KRT10: variants seen among roughly 807,000 people sequenced by gnomAD.
The protein encoded by KRT10 is keratin 10.
In KRT10, 40 loss-of-function variants were observed where a neutral mutation model predicts 59.2. The observed-to-expected ratio is 0.68, with a 90% CI of 0.52 to 0.88. The LOEUF is 0.88. KRT10 is among the 40% of genes least tolerant of loss of function. The pLI is 0.00. For synonymous variants in KRT10, 336 were observed against 310.7 expected, an observed-to-expected ratio of 1.08 and a Z score of -0.86; for missense variants, 719 against 749.1, an observed-to-expected ratio of 0.96 and a Z score of 0.47.
chr17:40,818,651 T>C (rs1331392129), intron 7 of KRT10, 136 bp downstream of exon 7: 2 of 1,426,986 alleles, frequency 1.4e-6, no homozygotes, highest in East Asian at 2.4e-5. Context: ...GTGTTAAGAG[T>C]AGTTTGTGAA....
chr17:40,819,210 T>C (rs1406530059), intron 6 of KRT10, 49 bp from the exon 7 acceptor site: 2 of 1,593,310 alleles, frequency 1.3e-6, no homozygotes, highest in Non-Finnish European at 1.7e-6. Context: ...TGGAAAACGG[T>C]GGGTAGCTTT....
Position 40,822,170 on chromosome 17 carries a change from C to A in KRT10, c.416G>T (p.Gly139Val). 1 of 1,613,952 alleles carries A rather than the reference C, an allele frequency of 6.2e-7. No individual in the cohort carries two copies. Among genetic ancestry groups the A allele is most frequent in the Non-Finnish European group, 8.5e-7 (1 of 1,179,962 alleles). Residue 139 changes from glycine (G) to valine (V), a missense_variant, in exon 1 of 8, where the codon GGT becomes GTT. Physicochemically the swap from Gly to Val is moderately radical, Grantham distance 109. Transcript: ENST00000269576. ...GGFGGGFGGD[G>V]GLLSGNEKVT... ...TTTTTCATTTCCAGAGAGAAGGCCACCATCTCCTCCAAATCCACCACCAAA... is the reference window on the plus strand; with the variant it reads ...TTTTTCATTTCCAGAGAGAAGGCCAACATCTCCTCCAAATCCACCACCAAA...
Position 40,819,111 on chromosome 17 carries a change from C to A in KRT10, c.1424G>T (p.Gly475Val). The change falls in exon 7 of 8, where the codon GGC (glycine) becomes GTC (valine). Residue 475 changes from glycine (G) to valine (V), a missense_variant. Physicochemically the swap from Gly to Val is moderately radical, Grantham distance 109. Transcript: ENST00000269576. ...GGAGCTTCCGCCGCCGGAGCTTCCG[C>A]CGCCGTAGCCGCCGCCGAAACTTCC... The part of the protein sequence containing the change: ...GGGSFGGGYG[G>V]GSSGGGSSGG... 1 of 1,493,096 alleles carries A rather than the reference C, an allele frequency of 6.7e-7. No homozygotes were observed. The highest frequency in any genetic ancestry group is 8.9e-7 in the Non-Finnish European group (1 of 1,124,280). The allele number at this position is 1,493,096 out of a possible 1,614,324, so 92.5% of individuals were successfully genotyped here. A position where few individuals can be genotyped will look rare whatever the true frequency, so the allele number is the denominator to read the frequency against.
Position 40,821,072 on chromosome 17 carries a change from C to G in KRT10, c.673G>C (p.Asp225His), listed in dbSNP as rs532545866. 9 of 1,613,876 alleles carry G rather than the reference C, an allele frequency of 5.6e-6. No homozygotes were observed. The highest frequency in any genetic ancestry group is 7.6e-6 in the Non-Finnish European group (9 of 1,179,856). Reference sequence around the variant, plus strand: ...TCATCAGCTGCCAGCCTGGCATTGTCGATCTGAAGCAGGATGTTGGCATTA... The same window carrying G: ...TCATCAGCTGCCAGCCTGGCATTGTGGATCTGAAGCAGGATGTTGGCATTA... ...TDNANILLQI[D>H]NARLAADDFR... is the part of the protein sequence containing the mutation. The change falls in exon 2 of 8, where the codon GAC (aspartate) becomes CAC (histidine). Residue 225 changes from aspartate to histidine, a missense_variant. Physicochemically the swap from Asp to His is moderately conservative, Grantham distance 81. This residue lies in a region of KRT10 where 221 missense variants were observed against 277.8 expected (regional missense o/e 0.80). Coordinates refer to ENST00000269576, the MANE Select transcript of KRT10 (RefSeq NM_000421.5).
intron 6 of KRT10, 124 bp from the exon 7 acceptor site, chr17:40,819,285 T>C: frequency 6.5e-7 from 1 of 1,542,336 alleles, no homozygotes; most frequent in Non-Finnish European, 8.7e-7. Flanking sequence ...GCCAGGTATA[T>C]ATTTTAAAAC....
At position 40,818,178 on chromosome 17, in the gene KRT10, T is replaced by A. The variant is rs1430341819; in HGVS notation, c.*298A>T. ...TAGTAAATGAGAACAGAAAGTTGTT[T>A]TTCTTTCCATTAAAGAACACTTTCT... is the stretch of plus-strand genomic sequence containing the variant. On this transcript the variant is annotated 3_prime_UTR_variant, in exon 8 of 8. Transcript: ENST00000269576. 1.5e-5 allele frequency: 6 copies of A among 399,134 alleles called. No individual in the cohort carries two copies. Among genetic ancestry groups the A allele is most frequent in the Admixed American group, 7.9e-5 (2 of 25,406 alleles). The allele number at this position is 399,134 out of a possible 1,614,324, so 24.7% of individuals were successfully genotyped here.
chr17:40,818,282 C>G lies in KRT10; in HGVS notation c.*194G>C, dbSNP rs1203141511. On this transcript the variant is annotated 3_prime_UTR_variant, in exon 8 of 8. Transcript: ENST00000269576. The stretch of plus-strand genomic sequence containing the variant: ...ATTTTCAAGGTCTATTTCCATAGAC[C>G]ATCAAGACAGAAGTGTTTTCTTGGA... 2.3e-5 allele frequency: 16 copies of G among 683,164 alleles called. No homozygotes were observed. The highest frequency in any genetic ancestry group is 4.0e-5 in the Non-Finnish European group (16 of 401,332). The allele number at this position is 683,164 out of a possible 1,614,324, so 42.3% of individuals were successfully genotyped here. A position where few individuals can be genotyped will look rare whatever the true frequency, so the allele number is the denominator to read the frequency against.
In KRT10 at chr17:40,820,352, A is replaced by T; in HGVS notation, c.939T>A (p.Asp313Glu). 6.2e-7 allele frequency: 1 copy of T among 1,614,230 alleles called. No homozygotes were observed. The highest frequency in any genetic ancestry group is 8.5e-7 in the Non-Finnish European group (1 of 1,180,044). ...NVEMNAAPGV[D>E]LTQLLNNMRS... is the part of the protein sequence containing the mutation. ...TCATGTTATTCAGAAGTTGAGTCAG[A>T]TCAACACCCGGGGCAGCATTCATTT... The change falls in exon 4 of 8, where the codon GAT (aspartate) becomes GAA (glutamate). Residue 313 changes from aspartate to glutamate, a missense_variant. Asp to Glu is a conservative substitution (Grantham distance 45). Around this residue, in one of 4 missense-constraint regions of KRT10, gnomAD observed 221 missense variants for 277.8 expected, o/e 0.80. Transcript: ENST00000269576.
rs1311728934 is a variant in KRT10 at position 40,819,089 on chromosome 17, G to A, written c.1446C>T (p.Ser482=). ...GGCCGCCGCCGTGGCCGCCGCCGGA[G>A]CTTCCGCCGCCGGAGCTTCCGCCGC... ...GYGGGSSGGG[S]SGGGHGGGHG... is the part of the protein sequence containing the mutation. Residue 482 remains serine, a synonymous_variant, in exon 7 of 8, where the codon AGC becomes AGT. Coordinates refer to ENST00000269576, the MANE Select transcript of KRT10 (RefSeq NM_000421.5). The A allele has an allele frequency of 9.7e-6, 14 of 1,442,070 alleles. No homozygotes were observed. Among genetic ancestry groups the A allele is most frequent in the South Asian group, 6.6e-5 (5 of 75,700 alleles). 89.3% of individuals were successfully genotyped at this position (1,442,070 alleles called of 1,614,324 possible).
chr17:40,818,305 G>T lies in KRT10; in HGVS notation c.*171C>A. ...ACCATCAAGACAGAAGTGTTTTCTT[G>T]GAGACTTTGTTTTCCATGCATCTGT... is the stretch of plus-strand genomic sequence containing the variant. On this transcript the variant is annotated 3_prime_UTR_variant, in exon 8 of 8. Coordinates refer to ENST00000269576, the MANE Select transcript of KRT10 (RefSeq NM_000421.5). 1 of 838,266 alleles carries T rather than the reference G, an allele frequency of 1.2e-6. No individual in the cohort carries two copies. 51.9% of individuals were successfully genotyped at this position (838,266 alleles called of 1,614,324 possible).
intron 5 of KRT10, 116 bp downstream of exon 5, chr17:40,819,933 C>T (rs1345523669): frequency 1.1e-5 from 15 of 1,353,108 alleles, no homozygotes; most frequent in African/African-American, 2.9e-5. Context: ...ATGAGCTTCA[C>T]TTTGTTTTCT....
chr17:40,820,961 G>T (rs767716258), intron 2 of KRT10, 74 bp downstream of exon 2: 3 of 1,155,304 alleles, frequency 2.6e-6, no homozygotes, highest in Non-Finnish European at 2.6e-6. Flanking sequence ...TGTTATTGAG[G>T]GCATCCCAAG....
chr17:40,822,476 GA>G lies in KRT10; in HGVS notation c.109del (p.Ser37LeufsTer41). The G allele has an allele frequency of 6.2e-7, 1 of 1,613,756 alleles. No individual in the cohort carries two copies. The highest frequency in any genetic ancestry group is 8.5e-7 in the Non-Finnish European group (1 of 1,179,944). Reference sequence around the variant, plus strand: ...TCCACCAAGGGAGCCTTTGCTGCTAGAAATTCTTAGGGATGACACTCCTCCT... The same window carrying G: ...TCCACCAAGGGAGCCTTTGCTGCTAGAATTCTTAGGGATGACACTCCTCCT... ...GGGGVSSLRI[S>X]SSKGSLGGGF... On this transcript the variant is annotated frameshift_variant, in exon 1 of 8. Transcript: ENST00000269576. LOFTEE classifies it high-confidence loss of function.
chr17:40,819,961 C>T, intron 5 of KRT10, 88 bp downstream of exon 5: 1 of 1,496,084 alleles, frequency 6.7e-7, no homozygotes, highest in Non-Finnish European at 9.3e-7. Flanking sequence ...ACCTCCAACT[C>T]TGCATTTTTT....
Position 40,822,371 on chromosome 17 carries a change from C to T in KRT10, c.215G>A (p.Gly72Asp), listed in dbSNP as rs756224291. Residue 72 changes from glycine (G) to aspartate (D), a missense_variant, in exon 1 of 8, where the codon GGT (glycine) becomes GAT (aspartate). Gly to Asp is a moderately conservative substitution (Grantham distance 94). Around this residue, in one of 4 missense-constraint regions of KRT10, gnomAD observed 176 missense variants for 175.7 expected, o/e 1.00. Transcript: ENST00000269576. Reference protein sequence around the residue: ...SGGGCFGGSSGGYGGLGGFGG... With the variant: ...SGGGCFGGSSDGYGGLGGFGG... ...AAAACCTCCTAATCCTCCATAGCCA[C>T]CTGATGAGCCCCCAAAGCAGCCCCC... is the stretch of plus-strand genomic sequence containing the variant. 1.2e-6 allele frequency: 2 copies of T among 1,608,986 alleles called. No homozygotes were observed. Among genetic ancestry groups the T allele is most frequent in the Non-Finnish European group, 1.7e-6 (2 of 1,176,926 alleles).
rs766701495 is a variant in KRT10 at position 40,821,135 on chromosome 17, G to A, written c.628-18C>T. The stretch of plus-strand genomic sequence containing the variant: ...TTGAGAATCTGGAGGGAGAGGCACA[G>A]TTATTTGAGAAGAGGTCAGATGCAG... On this transcript the variant is annotated intron_variant, in intron 1 of 7. Coordinates refer to ENST00000269576, the MANE Select transcript of KRT10 (RefSeq NM_000421.5). 8 of 1,585,834 alleles carry A rather than the reference G, an allele frequency of 5.0e-6. No individual in the cohort carries two copies. In the African/African-American group the frequency reaches 5.4e-5, roughly 11 times the overall value.
At chr17:40,821,215 C>T in intron 1 of KRT10, 98 bp from the exon 2 acceptor site, 2 of 906,264 alleles carry the variant, frequency 2.2e-6, no homozygotes, top group Non-Finnish European at 1.8e-6. Context: ...TGTTCTCTTA[C>T]AAAATCTTGG....
chr17:40,818,795 C>G lies in KRT10; in HGVS notation c.1740G>C (p.Lys580Asn), dbSNP rs1186137720. Reference sequence around the variant, plus strand: ...AGCTAGTTTCTGCTGACCTTGGTCCCTTAGATGAAGACTCGCCCACGGACC... The same window carrying G: ...AGCTAGTTTCTGCTGACCTTGGTCCGTTAGATGAAGACTCGCCCACGGACC... ...SSGSVGESSS[K>N]GPRY The change falls in exon 7 of 8, where the codon AAG (lysine) becomes AAC (asparagine). Residue 580 changes from lysine (K) to asparagine (N), a missense_variant. By Grantham distance (94) the Lys-to-Asn change is moderately conservative. Transcript: ENST00000269576. 1 of 1,544,678 alleles carries G rather than the reference C, an allele frequency of 6.5e-7. No homozygotes were observed. Among genetic ancestry groups the G allele is most frequent in the Non-Finnish European group, 8.7e-7 (1 of 1,155,434 alleles).
intron 2 of KRT10, 65 bp from the exon 3 acceptor site, chr17:40,820,732 C>T: frequency 1.3e-6 from 2 of 1,569,230 alleles, no homozygotes; most frequent in Admixed American, 1.7e-5. Context: ...TGGGCAGAGA[C>T]TATTTAAAAA....
Sources: gnomAD v4.1 joint callset for allele counts on GRCh38, gnomAD v4.1.1 for gene constraint, gnomAD v4.1.1 regional missense constraint, MANE v1.5 for transcripts, NCBI Gene and HGNC (gene_info 2026-07-23, HGNC 2026-07-21) for gene names.